Variants in MUC3A observed in about 807,000 individuals in gnomAD.
MUC3A encodes mucin-3A.
MUC3A carries 109 observed loss-of-function variants against 109.0 expected under a neutral mutation model. The ratio of observed to expected loss-of-function variants is 1.00; its 90% CI spans 0.86 to 1.17. The LOEUF is 1.17. MUC3A is among the 50% of genes most tolerant of loss of function. The pLI, the probability that MUC3A is intolerant of heterozygous loss-of-function variation, is 0.00. For synonymous variants in MUC3A, 1,398 were observed against 981.4 expected (o/e 1.42, Z -7.93); for missense variants, 3,537 against 2,469.4 (o/e 1.43, Z -9.16).
rs1026699276 is a variant in MUC3A at position 100,954,186 on chromosome 7, A to G, written c.2407A>G (p.Met803Val). The change falls in exon 2 of 12, where the codon ATG becomes GTG. Residue 803 changes from methionine (M) to valine (V), a missense_variant. Met to Val is a conservative substitution (Grantham distance 21). Coordinates refer to ENST00000379458, the MANE Select transcript of MUC3A (RefSeq NM_005960.2). ...ITSVPTTLGT[M>V]VTSTSMISST... ...CTCAGTTCCCACTACGTTGGGTACCATGGTAACTTCTACATCCATGATCTC... is the reference window on the plus strand; with the variant it reads ...CTCAGTTCCCACTACGTTGGGTACCGTGGTAACTTCTACATCCATGATCTC... 5 of 544,102 alleles carry G rather than the reference A, an allele frequency of 9.2e-6. No individual in the cohort carries two copies. The highest frequency in any genetic ancestry group is 1.9e-5 in the African/African-American group (1 of 51,656). 33.7% of individuals were successfully genotyped at this position (544,102 alleles called of 1,614,324 possible). A position where few individuals can be genotyped will look rare whatever the true frequency, so the allele number is the denominator to read the frequency against.
At position 100,952,246 on chromosome 7, in the gene MUC3A, C is replaced by G. The variant is rs1350305845; in HGVS notation, c.467C>G (p.Ser156Cys). Reference sequence around the variant, plus strand: ...ACGACGCAGGTGGCCTTCACCAGCTCTTACACCTCGACTCCCGTGACACAG... The same window carrying G: ...ACGACGCAGGTGGCCTTCACCAGCTGTTACACCTCGACTCCCGTGACACAG... ...VTTTQVAFTS[S>C]YTSTPVTQKP... The change falls in exon 2 of 12, where the codon TCT becomes TGT. Residue 156 changes from serine to cysteine, a missense_variant. Transcript: ENST00000379458. 1 of 1,598,522 alleles carries G rather than the reference C, an allele frequency of 6.3e-7. No homozygotes were observed. The highest frequency in any genetic ancestry group is 8.5e-7 in the Non-Finnish European group (1 of 1,179,784).
chr7:100,959,813 T>C lies in MUC3A; in HGVS notation c.8034T>C (p.Ser2678=). ...CAAATGCAATCTTGACTTCTTTTAG[T>C]ACCATCATCTGGTCCTCAACACCCA... is the stretch of plus-strand genomic sequence containing the variant. The part of the protein sequence containing the change: ...TSTNAILTSF[S]TIIWSSTPTI... Residue 2678 remains serine (S), a synonymous_variant, in exon 2 of 12, where the codon AGT becomes AGC. Coordinates refer to ENST00000379458, the MANE Select transcript of MUC3A (RefSeq NM_005960.2). 1 of 1,587,810 alleles carries C rather than the reference T, an allele frequency of 6.3e-7. No individual in the cohort carries two copies. Among genetic ancestry groups the C allele is most frequent in the Non-Finnish European group, 8.5e-7 (1 of 1,174,502 alleles).
At position 100,960,128 on chromosome 7, in the gene MUC3A, T is replaced by C. The variant is rs1268645142; in HGVS notation, c.8349T>C (p.Thr2783=). The change falls in exon 2 of 12, where the codon ACT becomes ACC. Residue 2783 remains threonine, a synonymous_variant. Transcript: ENST00000379458. ...ITITIVPASP[T]DPCVEMDPST... is the part of the protein sequence containing the mutation. The stretch of plus-strand genomic sequence containing the variant: ...TTACCATAGTCCCTGCCTCCCCCAC[T>C]GATCCATGTGTTGAAATGGATCCCA... 1 of 1,547,122 alleles carries C rather than the reference T, an allele frequency of 6.5e-7. No homozygotes were observed. The highest frequency in any genetic ancestry group is 8.7e-7 in the Non-Finnish European group (1 of 1,152,752).
chr7:100,953,242 C>T lies in MUC3A; in HGVS notation c.1463C>T (p.Ser488Phe), dbSNP rs898076519. ...SAMSTSVIPS[S>F]PSIQNTETSS... is the part of the protein sequence containing the mutation. Reference sequence around the variant, plus strand: ...ATGTCCACGAGTGTCATTCCATCTTCCCCCAGCATTCAGAATACAGAAACC... The same window carrying T: ...ATGTCCACGAGTGTCATTCCATCTTTCCCCAGCATTCAGAATACAGAAACC... The change falls in exon 2 of 12, where the codon TCC (serine) becomes TTC (phenylalanine). Residue 488 changes from serine to phenylalanine, a missense_variant. By Grantham distance (155) the Ser-to-Phe change is radical. Coordinates refer to ENST00000379458, the MANE Select transcript of MUC3A (RefSeq NM_005960.2). 5.0e-4 allele frequency: 280 copies of T among 557,666 alleles called. 1 individual carries two copies. The highest frequency in any genetic ancestry group is 4.7e-3 in the African/African-American group (249 of 52,890). 34.5% of individuals were successfully genotyped at this position (557,666 alleles called of 1,614,324 possible).
chr7:100,949,640 C>A lies in MUC3A; in HGVS notation c.16C>A (p.Leu6Ile). The A allele has an allele frequency of 1.3e-6, 2 of 1,555,290 alleles. No homozygotes were observed. The highest frequency in any genetic ancestry group is 1.7e-6 in the Non-Finnish European group (2 of 1,157,940). ...CGCTGGGCCCATGCAGCTGTTGGGG[C>A]TCCTCGGCCTCCTCTGGATGCTCAA... MQLLG[L>I]LGLLWMLKAS... Residue 6 changes from leucine to isoleucine, a missense_variant, in exon 1 of 12, where the codon CTC becomes ATC. Leu to Ile is a conservative substitution (Grantham distance 5). Transcript: ENST00000379458.
chr7:100,949,771 TG>T, intron 1 of MUC3A, 86 bp downstream of exon 1: 1 of 1,309,280 alleles, frequency 7.6e-7, no homozygotes, highest in Non-Finnish European at 1.0e-6. Flanking sequence ...CTGTAAGGCC[TG>T]GGGAGGGGGG....
At chr7:100,949,954 G>C (rs1412561950) in intron 1 of MUC3A, among the ~76,000 whole-genome samples, 1 of 152,278 alleles carries the variant, frequency 6.6e-6, no homozygotes, top group African/African-American at 2.4e-5. Context: ...GCACTGAGCA[G>C]GTTGCAGCGG....
At chr7:100,961,063 A>G in intron 3 of MUC3A, 126 bp downstream of exon 3, 7 of 1,545,358 alleles carry the variant, frequency 4.5e-6, no homozygotes, top group Non-Finnish European at 5.2e-6. Flanking sequence ...CCTCCCTGCC[A>G]TCTCTCCCAT....
In MUC3A at chr7:100,967,235, G is replaced by A. The variant is rs1435904181; in HGVS notation, c.*73G>A. 6.3e-7 allele frequency: 1 copy of A among 1,589,546 alleles called. No homozygotes were observed. The highest frequency in any genetic ancestry group is 1.1e-5 in the South Asian group (1 of 90,196). ...AGGGTCTGCATTGCGTCCATTTCAA[G>A]AGGTGGCCCCAGGACGCGGGCAGCC... is the stretch of plus-strand genomic sequence containing the variant. On this transcript the variant is annotated 3_prime_UTR_variant, in exon 12 of 12. Coordinates refer to ENST00000379458, the MANE Select transcript of MUC3A (RefSeq NM_005960.2).
In MUC3A at chr7:100,958,400, C is replaced by A. The variant is rs1364768501; in HGVS notation, c.6621C>A (p.Thr2207=). 9 of 116,048 alleles carry A rather than the reference C, an allele frequency of 7.8e-5. No homozygotes were observed. The highest frequency in any genetic ancestry group is 1.2e-4 in the Non-Finnish European group (8 of 67,330). The allele number at this position is 116,048 out of a possible 1,614,324, so 7.2% of individuals were successfully genotyped here. The change falls in exon 2 of 12, where the codon ACC becomes ACA. Residue 2207 remains threonine (T), a synonymous_variant. Transcript: ENST00000379458. The part of the protein sequence containing the change: ...TTSHSTPSYI[T]SITTTETPSS... ...CACACAGTACTCCCAGCTACATTAC[C>A]TCAATCACCACCACCGAGACCCCCT... is the stretch of plus-strand genomic sequence containing the variant.
At position 100,955,864 on chromosome 7, in the gene MUC3A, A is replaced by G; in HGVS notation, c.4085A>G (p.Glu1362Gly). ...CCCAGCTCTACAGCCACATTCCTTG[A>G]GACCACCACACTGACTCCTACAACT... ...TFPSSTATFL[E>G]TTTLTPTTDF... The change falls in exon 2 of 12, where the codon GAG (glutamate) becomes GGG (glycine). Residue 1362 changes from glutamate to glycine, a missense_variant. Glu to Gly is a moderately conservative substitution (Grantham distance 98, BLOSUM62 -2). Coordinates refer to ENST00000379458, the MANE Select transcript of MUC3A (RefSeq NM_005960.2). The G allele has an allele frequency of 2.2e-6, 1 of 450,210 alleles. No individual in the cohort carries two copies. The highest frequency in any genetic ancestry group is 3.9e-6 in the Non-Finnish European group (1 of 256,558). 27.9% of individuals were successfully genotyped at this position (450,210 alleles called of 1,614,324 possible).
chr7:100,967,083 T>C, intron 11 of MUC3A, 38 bp from the exon 12 acceptor site: 19 of 1,598,524 alleles, frequency 1.2e-5, no homozygotes, highest in Non-Finnish European at 1.5e-5. Flanking sequence ...CCCAAACCAG[T>C]GGCTCCGCGT....
chr7:100,967,169 C>G lies in MUC3A; in HGVS notation c.*7C>G, dbSNP rs767750373. ...GACCTCGTCCTCAGTGTGAGCCCTG[C>G]GGGGCCCCTTCACCACCCCCTCCGC... On this transcript the variant is annotated 3_prime_UTR_variant, in exon 12 of 12. Coordinates refer to ENST00000379458, the MANE Select transcript of MUC3A (RefSeq NM_005960.2). 5.0e-6 allele frequency: 8 copies of G among 1,598,420 alleles called. No individual in the cohort carries two copies. Among genetic ancestry groups the G allele is most frequent in the Non-Finnish European group, 6.8e-6 (8 of 1,179,822 alleles).
rs1792092930 is a variant in MUC3A, at chr7:100,956,260, C to G, written c.4481C>G (p.Ser1494Cys). ...ACAGAGACATCATCTACTGCCACCTCTCTTCCACCCACCTCTTCCTTGGTC... is the reference window on the plus strand; with the variant it reads ...ACAGAGACATCATCTACTGCCACCTGTCTTCCACCCACCTCTTCCTTGGTC... ...TMTETSSTAT[S>C]LPPTSSLVST... is the part of the protein sequence containing the mutation. Residue 1494 changes from serine to cysteine, a missense_variant, in exon 2 of 12, where the codon TCT becomes TGT. Ser to Cys is a moderately radical substitution (Grantham distance 112). Coordinates refer to ENST00000379458, the MANE Select transcript of MUC3A (RefSeq NM_005960.2). 1.9e-6 allele frequency: 1 copy of G among 532,276 alleles called. No individual in the cohort carries two copies. The highest frequency in any genetic ancestry group is 3.3e-6 in the Non-Finnish European group (1 of 302,158). The allele number at this position is 532,276 out of a possible 1,614,324, so 33.0% of individuals were successfully genotyped here. A position where few individuals can be genotyped will look rare whatever the true frequency, so the allele number is the denominator to read the frequency against.
Position 100,964,791 on chromosome 7 carries a change from G to A in MUC3A, c.9330G>A (p.Lys3110=), listed in dbSNP as rs587722778. The A allele has an allele frequency of 6.3e-7, 1 of 1,598,240 alleles. No individual in the cohort carries two copies. The highest frequency in any genetic ancestry group is 1.3e-5 in the African/African-American group (1 of 75,078). ...SEYEQVKTTL[K]EGLQNASQDV... ...ATGAGCAGGTGAAGACCACGCTGAA[G>A]GAGGGGCTGCAGAACGCCAGCCAGG... The change falls in exon 6 of 12, where the codon AAG becomes AAA. Residue 3110 remains lysine, a synonymous_variant. Coordinates refer to ENST00000379458, the MANE Select transcript of MUC3A (RefSeq NM_005960.2).
chr7:100,953,760 AC>A lies in MUC3A; in HGVS notation c.1982del (p.Thr661AsnfsTer3). 1 of 411,386 alleles carries A rather than the reference AC, an allele frequency of 2.4e-6. No individual in the cohort carries two copies. The allele number at this position is 411,386 out of a possible 1,614,324, so 25.5% of individuals were successfully genotyped here. On this transcript the variant is annotated frameshift_variant, in exon 2 of 12. Transcript: ENST00000379458. LOFTEE classifies it high-confidence loss of function. ...TSPPTTTNSF[T>X]SLTSMPLSST... Reference sequence around the variant, plus strand: ...TCCTCCCACAACCACCAATTCTTTTACATCACTGACCAGTATGCCTCTGTCT... The same window carrying A: ...TCCTCCCACAACCACCAATTCTTTTAATCACTGACCAGTATGCCTCTGTCT...
At chr7:100,964,020 C>A (rs1792434446) in intron 5 of MUC3A, 2 of 601,790 alleles carry the variant, frequency 3.3e-6, no homozygotes, top group Non-Finnish European at 5.9e-6. Flanking sequence ...ATGACTTTGT[C>A]CCCCTCTGGC....
chr7:100,965,270 G>T lies in MUC3A; in HGVS notation c.9383-12G>T. ...TGCCCCGCCCATTCCATCTGTGCCT[G>T]TGTTTCCGCAGCCCTGTGTTTTAAG... is the stretch of plus-strand genomic sequence containing the variant. On this transcript the variant is annotated splice_polypyrimidine_tract_variant and intron_variant, in intron 6 of 11. Transcript: ENST00000379458. 1 of 1,598,770 alleles carries T rather than the reference G, an allele frequency of 6.3e-7. No individual in the cohort carries two copies. Among genetic ancestry groups the T allele is most frequent in the Non-Finnish European group, 8.5e-7 (1 of 1,179,562 alleles).
intron 1 of MUC3A, among the ~76,000 whole-genome samples, chr7:100,950,816 T>C (rs1174920324): frequency 1.3e-5 from 2 of 152,424 alleles, no homozygotes; most frequent in African/African-American, 4.8e-5. Flanking sequence ...ATTTGTGTGA[T>C]GAACACTCAC....
Sources: allele counts gnomAD v4.1 joint callset (sites outside exome capture counted in the v4.1 genomes callset), GRCh38; gene constraint gnomAD v4.1.1; transcripts MANE v1.5; gene names NCBI Gene and HGNC (gene_info 2026-07-23, HGNC 2026-07-21).